The following ADCY2 variants were observed in gnomAD, a reference collection of about 807,000 sequenced individuals.
ADCY2 encodes the protein adenylate cyclase 2.
A neutral mutation model predicts 125.2 loss-of-function variants in ADCY2; 31 were observed. The ratio of observed to expected loss-of-function variants is 0.25; its 90% CI spans 0.19 to 0.33. The LOEUF is 0.33. Ranked by LOEUF, ADCY2 falls within the 10% of genes least tolerant of loss-of-function variation. The probability of loss-of-function intolerance (pLI) is 1.00; values close to 1 mark genes in which losing one functional copy is unlikely to be tolerated. For synonymous variants in ADCY2, 512 were observed against 548.4 expected, an observed-to-expected ratio of 0.93 and a Z score of 0.93; for missense variants, 904 against 1,418.2, an observed-to-expected ratio of 0.64 and a Z score of 5.82.
At chr5:7,788,000 T>C (rs541436330) in intron 19 of ADCY2, among the ~76,000 whole-genome samples, 5 of 151,954 alleles carry the variant, frequency 3.3e-5, no homozygotes, top group African/African-American at 1.2e-4. Context: ...CCACCACTTG[T>C]TGCATCTATC....
intron 15 of ADCY2, among the ~76,000 whole-genome samples, chr5:7,756,688 C>T (rs919735643): frequency 1.3e-4 from 20 of 151,932 alleles, no homozygotes; most frequent in African/African-American, 4.1e-4. Flanking sequence ...GAGGGAGGAA[C>T]GGGGAGTTGT....
At chr5:7,502,054 A>C (rs1169122786) in intron 2 of ADCY2, among the ~76,000 whole-genome samples, 1 of 152,142 alleles carries the variant, frequency 6.6e-6, no homozygotes, top group Non-Finnish European at 1.5e-5. Context: ...TGGAGAAGGA[A>C]CTAGGCTGGT....
At chr5:7,694,134 G>A (rs894301707) in intron 5 of ADCY2, among the ~76,000 whole-genome samples, 3 of 152,168 alleles carry the variant, frequency 2.0e-5, no homozygotes, top group Non-Finnish European at 4.4e-5. Flanking sequence ...CTCAGCAGAG[G>A]AGCAAGTATT....
intron 3 of ADCY2, among the ~76,000 whole-genome samples, chr5:7,590,570 TA>T (rs200717325): frequency 1.8e-3 from 252 of 143,172 alleles, no homozygotes; most frequent in Middle Eastern, 3.6e-3. Flanking sequence ...GTGACCATGT[TA>T]AAAAAAAAAA....
intron 4 of ADCY2, among the ~76,000 whole-genome samples, chr5:7,637,438 A>C (rs969304656): frequency 6.6e-5 from 10 of 151,536 alleles, no homozygotes; most frequent in Admixed American, 6.6e-4. Context: ...TCTCAAAAAA[A>C]AAAAAAAAAA....
At chr5:7,808,176 A>T (rs896553433) in intron 22 of ADCY2, among the ~76,000 whole-genome samples, 2 of 152,196 alleles carry the variant, frequency 1.3e-5, no homozygotes, top group African/African-American at 4.8e-5. Flanking sequence ...TAGCTGTCTG[A>T]GTCCAGATCT....
At chr5:7,823,258 G>A (rs1745359620) in intron 24 of ADCY2, among the ~76,000 whole-genome samples, 1 of 152,236 alleles carries the variant, frequency 6.6e-6, no homozygotes, top group Non-Finnish European at 1.5e-5. Flanking sequence ...CTAATGGGAG[G>A]TGGGGAGGAA....
chr5:7,792,835 A>C (rs970078644), intron 20 of ADCY2, among the ~76,000 whole-genome samples: 8 of 152,294 alleles, frequency 5.3e-5, no homozygotes, highest in Admixed American at 1.3e-4. Context: ...ATAAAAGAAG[A>C]AGCATGGTGC....
chr5:7,527,461 T>C (rs1301584129), intron 3 of ADCY2, among the ~76,000 whole-genome samples: 1 of 152,234 alleles, frequency 6.6e-6, no homozygotes, highest in East Asian at 1.9e-4. Context: ...TACACTTTTA[T>C]TTCCTTGGTA....
chr5:7,580,844 C>T (rs1479948168), intron 3 of ADCY2, among the ~76,000 whole-genome samples: 2 of 152,128 alleles, frequency 1.3e-5, no homozygotes, highest in African/African-American at 4.8e-5. Context: ...ACTGACAGAT[C>T]GAAGGGAAAC....
chr5:7,572,995 T>TGG (rs1399101339), intron 3 of ADCY2, among the ~76,000 whole-genome samples: 1 of 152,116 alleles, frequency 6.6e-6, no homozygotes, highest in Non-Finnish European at 1.5e-5. Context: ...CTGATATAAC[T>TGG]GGCATCTTCA....
Position 7,414,692 on chromosome 5 carries a change from G to A in ADCY2, c.330G>A (p.Ser110=), listed in dbSNP as rs749765547. 15 of 1,613,788 alleles carry A rather than the reference G, an allele frequency of 9.3e-6. No individual in the cohort carries two copies. In the Admixed American group the frequency reaches 1.2e-4, roughly 13 times the overall value. ...SVFKKLLRLF[S]LVIWICLVAM... ...TTAAGAAGCTGCTGCGCCTCTTCTC[G>A]TTGGTGATATGGATATGCCTTGTTG... The change falls in exon 2 of 25, where the codon TCG becomes TCA. Residue 110 remains serine (S), a synonymous_variant. Coordinates refer to ENST00000338316, the MANE Select transcript of ADCY2 (RefSeq NM_020546.3).
In ADCY2 at chr5:7,626,207, C is replaced by G; in HGVS notation, c.611C>G (p.Ala204Gly). 2 of 1,614,024 alleles carry G rather than the reference C, an allele frequency of 1.2e-6. No homozygotes were observed. The highest frequency in any genetic ancestry group is 1.7e-6 in the Non-Finnish European group (2 of 1,179,944). Residue 204 changes from alanine to glycine, a missense_variant, in exon 4 of 25, where the codon GCG becomes GGG. This residue lies in a region of ADCY2 where 117 missense variants were observed against 248.0 expected (regional missense o/e 0.47). Coordinates refer to ENST00000338316, the MANE Select transcript of ADCY2 (RefSeq NM_020546.3). Reference protein sequence around the residue: ...NVIIFICGNLAGAYHKHLMEL... With the variant: ...NVIIFICGNLGGAYHKHLMEL... Reference sequence around the variant, plus strand: ...ATCATTTTCATCTGTGGGAACCTGGCGGGAGCCTACCATAAGCACCTCATG... The same window carrying G: ...ATCATTTTCATCTGTGGGAACCTGGGGGGAGCCTACCATAAGCACCTCATG...
At chr5:7,750,871 C>T (rs1742791094) in intron 15 of ADCY2, among the ~76,000 whole-genome samples, 1 of 151,938 alleles carries the variant, frequency 6.6e-6, no homozygotes, top group Non-Finnish European at 1.5e-5. Context: ...CTACCACAGA[C>T]CTCATAATCC....
intron 12 of ADCY2, among the ~76,000 whole-genome samples, chr5:7,718,283 G>A (rs1741659167): frequency 6.6e-6 from 1 of 151,508 alleles, no homozygotes; most frequent in South Asian, 2.1e-4. Context: ...CAAGTAGCTG[G>A]GATTACAGGC....
At chr5:7,692,324 A>G (rs1034705934) in intron 5 of ADCY2, 4 of 152,202 alleles carry the variant, frequency 2.6e-5, no homozygotes, top group African/African-American at 9.6e-5. Flanking sequence ...TAGCTATATA[A>G]TACCCAAGCA....
chr5:7,510,362 C>T (rs1454693785), intron 2 of ADCY2, among the ~76,000 whole-genome samples: 1 of 152,118 alleles, frequency 6.6e-6, no homozygotes, highest in Admixed American at 6.5e-5. Flanking sequence ...TTGGAAACTC[C>T]CCTGCAGTGG....
intron 13 of ADCY2, among the ~76,000 whole-genome samples, chr5:7,726,051 G>A (rs1741920037): frequency 6.6e-6 from 1 of 152,072 alleles, no homozygotes; most frequent in South Asian, 2.1e-4. Flanking sequence ...TAAATCTCTG[G>A]AGACCCCTCA....
chr5:7,568,000 G>A (rs1735959684), intron 3 of ADCY2, among the ~76,000 whole-genome samples: 1 of 151,622 alleles, frequency 6.6e-6, no homozygotes, highest in Non-Finnish European at 1.5e-5. Flanking sequence ...TTCTTGTTGT[G>A]TGCTCACCTT....
Sources: gnomAD v4.1 joint callset for allele counts (sites outside exome capture counted in the v4.1 genomes callset) on GRCh38, gnomAD v4.1.1 for gene constraint, gnomAD v4.1.1 regional missense constraint, MANE v1.5 for transcripts, NCBI Gene and HGNC (gene_info 2026-07-23, HGNC 2026-07-21) for gene names.